GPC6: variants seen among roughly 807,000 people sequenced by gnomAD.
GPC6 encodes glypican 6, also known as glypican-6.
Under a neutral mutation model 55.2 loss-of-function variants are expected in GPC6, and 14 were observed. The observed-to-expected ratio is 0.25, with a 90% CI of 0.17 to 0.40. GPC6 has a LOEUF of 0.40. Among genes scored for constraint, GPC6 ranks in the 10% least tolerant of loss-of-function variants. GPC6 has a pLI of 1.00. For synonymous variants in GPC6, 278 were observed against 259.6 expected, an observed-to-expected ratio of 1.07 and a Z score of -0.68; for missense variants, 641 against 708.5, an observed-to-expected ratio of 0.90 and a Z score of 1.08.
At chr13:94,214,439 A>G (rs569697893) in intron 4 of GPC6, among the ~76,000 whole-genome samples, 21 of 152,292 alleles carry the variant, frequency 1.4e-4, no homozygotes, top group African/African-American at 4.6e-4. Flanking sequence ...ATTTTTTATT[A>G]GGTACTTTAG....
At chr13:93,939,741 C>T (rs951123819) in intron 3 of GPC6, among the ~76,000 whole-genome samples, 6 of 152,168 alleles carry the variant, frequency 3.9e-5, no homozygotes, top group African/African-American at 1.4e-4. Context: ...TGAGCCACTG[C>T]ACCTAACCAT....
Position 94,042,046 on chromosome 13 carries a change from A to G in GPC6, c.877+14152A>G, listed in dbSNP as rs1883556576. On this transcript the variant is annotated intron_variant, in intron 4 of 8. Transcript: ENST00000377047. ...TTGGAGATGATTGGATCATGTTGACAGTTTCTCATGAATGGTTTAACACCA... is the reference window on the plus strand; with the variant it reads ...TTGGAGATGATTGGATCATGTTGACGGTTTCTCATGAATGGTTTAACACCA... 3.9e-5 allele frequency among the ~76,000 whole-genome samples: 6 copies of G among 151,934 alleles called. 1 individual carries two copies. The South Asian group carries it at 1.2e-3, about 32-fold the overall frequency.
chr13:93,936,271 C>A (rs1260754429), intron 3 of GPC6, among the ~76,000 whole-genome samples: 1 of 151,862 alleles, frequency 6.6e-6, no homozygotes, highest in African/African-American at 2.4e-5. Flanking sequence ...CTGTGTTTAC[C>A]CTAAGTCATC....
Position 94,067,478 on chromosome 13 carries a change from G to GTCTC in GPC6, c.877+39606_877+39609dup, listed in dbSNP as rs5805845. Among the ~76,000 whole-genome samples, 222 of 144,840 alleles carry GTCTC rather than the reference G, an allele frequency of 1.5e-3. 1 individual carries two copies. The highest frequency in any genetic ancestry group is 2.0e-3 in the South Asian group (8 of 4,080). ...AACATAGGCCTCTCTCTGTCTGTCT[G>GTCTC]TCTCTCTCTCTCTCTCTCTCTCTCT... On this transcript the variant is annotated intron_variant, in intron 4 of 8. Coordinates refer to ENST00000377047, the MANE Select transcript of GPC6 (RefSeq NM_005708.5).
chr13:94,235,660 T>C (rs1290667137), intron 4 of GPC6, among the ~76,000 whole-genome samples: 1 of 152,154 alleles, frequency 6.6e-6, no homozygotes. Flanking sequence ...AAAACTTAAA[T>C]TTACATATTC....
chr13:93,976,355 A>C (rs1273501232), intron 3 of GPC6, among the ~76,000 whole-genome samples: 2 of 151,878 alleles, frequency 1.3e-5, no homozygotes, highest in African/African-American at 4.8e-5. Context: ...TTATCTTTAA[A>C]CTCTGTTAAT....
chr13:93,332,635 C>T (rs1879893666), intron 1 of GPC6, among the ~76,000 whole-genome samples: 1 of 152,040 alleles, frequency 6.6e-6, no homozygotes, highest in South Asian at 2.1e-4. Flanking sequence ...GGATAGTTTG[C>T]AAATATTTTC....
At chr13:93,604,680 A>C (rs1414654002) in intron 2 of GPC6, among the ~76,000 whole-genome samples, 2 of 152,274 alleles carry the variant, frequency 1.3e-5, no homozygotes, top group East Asian at 3.9e-4. Flanking sequence ...CTGCACGATT[A>C]AAAAAATGAA....
chr13:94,039,399 C>T (rs1191671559), intron 4 of GPC6, among the ~76,000 whole-genome samples: 1 of 151,644 alleles, frequency 6.6e-6, no homozygotes, highest in African/African-American at 2.4e-5. Flanking sequence ...AGGGAGGCAG[C>T]AATAATGGTA....
intron 1 of GPC6, among the ~76,000 whole-genome samples, chr13:93,439,694 A>AAAAT (rs1555300385): frequency 4.8e-4 from 71 of 146,620 alleles, no homozygotes; most frequent in East Asian, 1.5e-3. Flanking sequence ...AATAAATAAA[A>AAAAT]AAAATAAAAT....
At position 93,463,621 on chromosome 13, in the gene GPC6, T is replaced by C. The variant is rs184850497; in HGVS notation, c.161-81642T>C. On this transcript the variant is annotated intron_variant, in intron 1 of 8. Transcript: ENST00000377047. ...TTTTTAGCATGCCACTGTGTACCAA[T>C]GTTGAACTTTATCAGTTGAATTAGA... Among the ~76,000 whole-genome samples, 700 of 152,312 alleles carry C rather than the reference T, an allele frequency of 4.6e-3. 1 individual carries two copies. Among genetic ancestry groups the C allele is most frequent in the Non-Finnish European group, 7.6e-3 (519 of 68,036 alleles).
intron 1 of GPC6, among the ~76,000 whole-genome samples, chr13:93,451,852 T>A (rs2139302388): frequency 6.6e-6 from 1 of 152,352 alleles, no homozygotes; most frequent in South Asian, 2.1e-4. Context: ...AACTCGTTAA[T>A]GCATTTAATT....
intron 2 of GPC6, among the ~76,000 whole-genome samples, chr13:93,571,252 C>T (rs1220959005): frequency 6.6e-6 from 1 of 152,120 alleles, no homozygotes; most frequent in Admixed American, 6.6e-5. Flanking sequence ...CATACATGTA[C>T]ACGTGTGCAC....
chr13:93,420,917 T>C (rs889639618), intron 1 of GPC6, among the ~76,000 whole-genome samples: 1 of 152,104 alleles, frequency 6.6e-6, no homozygotes, highest in African/African-American at 2.4e-5. Context: ...TGGGAGTATC[T>C]AATTACATTG....
intron 3 of GPC6, among the ~76,000 whole-genome samples, chr13:93,931,453 A>C (rs1878167983): frequency 1.3e-5 from 2 of 150,852 alleles, no homozygotes; most frequent in Admixed American, 1.3e-4. Flanking sequence ...AAAAAAAAAA[A>C]AATTGTAAAA....
chr13:93,966,931 G>A (rs530711008), intron 3 of GPC6, among the ~76,000 whole-genome samples: 5 of 152,112 alleles, frequency 3.3e-5, no homozygotes, highest in Non-Finnish European at 5.9e-5. Context: ...CTGAGACTAC[G>A]GGCATGAGCC....
intron 4 of GPC6, among the ~76,000 whole-genome samples, chr13:94,034,855 A>G (rs1883280133): frequency 6.6e-6 from 1 of 151,650 alleles, no homozygotes; most frequent in African/African-American, 2.4e-5. Context: ...TGTGCAACTA[A>G]AATTCATTAG....
intron 3 of GPC6, among the ~76,000 whole-genome samples, chr13:93,974,496 C>G (rs1203792463): frequency 6.6e-6 from 1 of 152,046 alleles, no homozygotes; most frequent in Admixed American, 6.6e-5. Context: ...CAATGATGAT[C>G]TATGTAACAA....
chr13:93,607,997 T>A (rs888630756), intron 2 of GPC6, among the ~76,000 whole-genome samples: 1 of 151,190 alleles, frequency 6.6e-6, no homozygotes, highest in African/African-American at 2.4e-5. Flanking sequence ...TCAGTGATAT[T>A]CTTTTCTCTC....
Sources: allele counts gnomAD v4.1 joint callset (sites outside exome capture counted in the v4.1 genomes callset), GRCh38; gene constraint gnomAD v4.1.1; transcripts MANE v1.5; gene names NCBI Gene and HGNC (gene_info 2026-07-23, HGNC 2026-07-21).